RNGTT: variants seen among roughly 807,000 people sequenced by gnomAD.
RNGTT encodes the protein RNA guanylyltransferase and 5'-phosphatase.
A neutral mutation model predicts 79.3 loss-of-function variants in RNGTT; 33 were observed. That is an observed-to-expected ratio of 0.42 (90% confidence interval 0.32 to 0.56). The LOEUF (loss-of-function observed/expected upper bound fraction) is 0.56. Ranked by LOEUF, RNGTT falls within the 20% of genes least tolerant of loss-of-function variation. The pLI is 0.17. For missense variants in RNGTT, 497 were observed against 739.1 expected, an observed-to-expected ratio of 0.67 and a Z score of 3.80; for synonymous variants, 222 against 235.9, an observed-to-expected ratio of 0.94 and a Z score of 0.54.
chr6:88,760,608 T>G (rs1035563257), intron 13 of RNGTT, among the ~76,000 whole-genome samples: 1 of 152,146 alleles, frequency 6.6e-6, no homozygotes, highest in African/African-American at 2.4e-5. Flanking sequence ...ACTATAATAA[T>G]AGTGATTACA....
intron 14 of RNGTT, among the ~76,000 whole-genome samples, chr6:88,640,906 A>G (rs1773290082): frequency 6.6e-6 from 1 of 152,216 alleles, no homozygotes; most frequent in East Asian, 1.9e-4. Context: ...ATTCTTTAAG[A>G]GATTCCTCTG....
rs1771987748 is a variant in RNGTT, at chr6:88,610,619, A to C, written c.*2100T>G. 1 of 152,210 alleles carries C rather than the reference A, an allele frequency of 6.6e-6. No individual in the cohort carries two copies. Among genetic ancestry groups the C allele is most frequent in the Non-Finnish European group, 1.5e-5 (1 of 68,046 alleles). The allele number at this position is 152,210 out of a possible 1,614,324, so 9.4% of individuals were successfully genotyped here. On this transcript the variant is annotated 3_prime_UTR_variant, in exon 16 of 16. Coordinates refer to ENST00000369485, the MANE Select transcript of RNGTT (RefSeq NM_003800.5). ...AGATGGTATTATGTTCAGGGGCTAA[A>C]TGGGATCTACTTATAAGGCCAACTA...
At chr6:88,931,953 G>GA (rs1484546619) in intron 2 of RNGTT, among the ~76,000 whole-genome samples, 1 of 151,936 alleles carries the variant, frequency 6.6e-6, no homozygotes, top group Non-Finnish European at 1.5e-5. Flanking sequence ...TGGGCACCTT[G>GA]AAAAAAAGAA....
chr6:88,788,018 T>G (rs1379427446), intron 12 of RNGTT, among the ~76,000 whole-genome samples: 1 of 152,204 alleles, frequency 6.6e-6, no homozygotes, highest in East Asian at 1.9e-4. Flanking sequence ...ATGCAGATGC[T>G]TCTCAACTTA....
chr6:88,647,715 A>AAAAAAAGAAAAAAGAAG (rs531898293), intron 14 of RNGTT, among the ~76,000 whole-genome samples: 1 of 142,446 alleles, frequency 7.0e-6, no homozygotes, highest in African/African-American at 3.0e-5. Flanking sequence ...AAAAAAAAAA[A>AAAAAAAGAAAAAAGAAG]AAGAAGAAGA....
At chr6:88,862,187 G>A (rs898002933) in intron 8 of RNGTT, among the ~76,000 whole-genome samples, 6 of 152,142 alleles carry the variant, frequency 3.9e-5, no homozygotes, top group African/African-American at 1.4e-4. Context: ...TTGACTGATG[G>A]TTGGCAGCTC....
intron 11 of RNGTT, among the ~76,000 whole-genome samples, chr6:88,819,244 C>T (rs149126020): frequency 1.8e-4 from 28 of 152,058 alleles, no homozygotes; most frequent in African/African-American, 6.3e-4. Context: ...GATGTCTTAG[C>T]ACCTAACTGA....
chr6:88,680,815 C>T (rs1483857648), intron 13 of RNGTT, among the ~76,000 whole-genome samples: 3 of 150,466 alleles, frequency 2.0e-5, no homozygotes, highest in African/African-American at 7.3e-5. Context: ...AAATACAATT[C>T]TGAATTAAGC....
intron 14 of RNGTT, among the ~76,000 whole-genome samples, chr6:88,628,175 AT>A (rs1379328823): frequency 6.6e-6 from 1 of 152,142 alleles, no homozygotes; most frequent in Non-Finnish European, 1.5e-5. Context: ...AATTTTCCTC[AT>A]CAGCTCCAGG....
At chr6:88,676,941 T>C (rs140290359) in intron 14 of RNGTT, among the ~76,000 whole-genome samples, 13 of 152,266 alleles carry the variant, frequency 8.5e-5, no homozygotes, top group South Asian at 2.1e-4. Flanking sequence ...GCAAAACTCG[T>C]ACACAAATGC....
At chr6:88,690,792 A>G (rs1775449984) in intron 13 of RNGTT, among the ~76,000 whole-genome samples, 1 of 152,174 alleles carries the variant, frequency 6.6e-6, no homozygotes. Flanking sequence ...GATGAAATTT[A>G]TAACACACAT....
At chr6:88,752,640 T>C (rs1159460538) in intron 13 of RNGTT, among the ~76,000 whole-genome samples, 1 of 152,150 alleles carries the variant, frequency 6.6e-6, no homozygotes, top group African/African-American at 2.4e-5. Flanking sequence ...TGAATATATA[T>C]ACAATACAAA....
intron 14 of RNGTT, among the ~76,000 whole-genome samples, chr6:88,624,843 A>G (rs1414361178): frequency 6.6e-6 from 1 of 152,040 alleles, no homozygotes; most frequent in Middle Eastern, 3.4e-3. Flanking sequence ...AATTTGTACC[A>G]GAACACATGA....
At chr6:88,946,627 TCTC>T (rs1785018188) in intron 1 of RNGTT, among the ~76,000 whole-genome samples, 1 of 68,038 alleles carries the variant, frequency 1.5e-5, no homozygotes, top group African/African-American at 4.9e-5. Context: ...CGACAGCAGC[TCTC>T]CCTCTCCCTC....
At chr6:88,772,080 G>A (rs1252595550) in intron 12 of RNGTT, among the ~76,000 whole-genome samples, 1 of 152,012 alleles carries the variant, frequency 6.6e-6, no homozygotes, top group East Asian at 1.9e-4. Flanking sequence ...TTAGGAGACT[G>A]AGGTGGGAGG....
chr6:88,660,549 T>TAAAAAAAAAAAAAAAAAAAAA (rs139978224), intron 14 of RNGTT, among the ~76,000 whole-genome samples: 6 of 144,264 alleles, frequency 4.2e-5, no homozygotes, highest in African/African-American at 1.4e-4. Flanking sequence ...GCAACAATGG[T>TAAAAAAAAAAAAAAAAAAAAA]AAAAAAAAAG....
chr6:88,923,195 GTTATAAAGTT>G (rs140549410), intron 4 of RNGTT, among the ~76,000 whole-genome samples: 2,443 of 152,262 alleles, frequency 0.016, 28 homozygotes, highest in Non-Finnish European at 0.026. Context: ...CATTTCTTCT[GTTATAAAGTT>G]TTCCATTTTG....
chr6:88,895,034 A>G (rs977250089), intron 6 of RNGTT, among the ~76,000 whole-genome samples: 2 of 152,172 alleles, frequency 1.3e-5, no homozygotes, highest in Non-Finnish European at 2.9e-5. Context: ...CTTTTCAACA[A>G]ATTATTTCTG....
intron 13 of RNGTT, among the ~76,000 whole-genome samples, chr6:88,679,707 G>A (rs1775016207): frequency 6.6e-6 from 1 of 152,162 alleles, no homozygotes; most frequent in Admixed American, 6.5e-5. Flanking sequence ...TTATAACTGT[G>A]CTTGTGGAGT....
Sources: allele counts gnomAD v4.1 joint callset (sites outside exome capture counted in the v4.1 genomes callset), GRCh38; gene constraint gnomAD v4.1.1; transcripts MANE v1.5; gene names NCBI Gene and HGNC (gene_info 2026-07-23, HGNC 2026-07-21).